Variants in HS6ST3 observed in about 807,000 individuals in gnomAD.
The protein encoded by HS6ST3 is heparan sulfate 6-O-sulfotransferase 3.
A neutral mutation model predicts 36.7 loss-of-function variants in HS6ST3; 12 were observed. That is an observed-to-expected ratio of 0.33 (90% confidence interval 0.21 to 0.53). HS6ST3 has a LOEUF of 0.53. Among genes scored for constraint, HS6ST3 ranks in the 20% least tolerant of loss-of-function variants. The probability of loss-of-function intolerance (pLI) is 0.95; values close to 1 mark genes in which losing one functional copy is unlikely to be tolerated. For missense variants in HS6ST3, 584 were observed against 640.9 expected (o/e 0.91, Z 0.96); for synonymous variants, 240 against 257.5 (o/e 0.93, Z 0.65).
chr13:96,263,073 G>A (rs1269017622), intron 1 of HS6ST3, among the ~76,000 whole-genome samples: 1 of 152,142 alleles, frequency 6.6e-6, no homozygotes, highest in African/African-American at 2.4e-5. Context: ...TTAGGTAGAT[G>A]TCTTAGGTAC....
intron 1 of HS6ST3, among the ~76,000 whole-genome samples, chr13:96,524,030 C>T (rs980362293): frequency 3.9e-5 from 6 of 152,148 alleles, no homozygotes; most frequent in South Asian, 2.1e-4. Context: ...TGGTGACCTA[C>T]GGATGGGGTT....
intron 1 of HS6ST3, among the ~76,000 whole-genome samples, chr13:96,690,540 C>T (rs1187606633): frequency 6.6e-6 from 1 of 152,028 alleles, no homozygotes; most frequent in African/African-American, 2.4e-5. Context: ...AAATCATCTC[C>T]CGGGCATGGA....
chr13:96,597,346 T>G (rs1209964501), intron 1 of HS6ST3, among the ~76,000 whole-genome samples: 1 of 148,506 alleles, frequency 6.7e-6, no homozygotes, highest in African/African-American at 2.5e-5. Flanking sequence ...AAATAAAAGT[T>G]AAAGAAAAAA....
intron 1 of HS6ST3, among the ~76,000 whole-genome samples, chr13:96,133,364 G>A (rs2053985517): frequency 6.6e-6 from 1 of 152,024 alleles, no homozygotes; most frequent in South Asian, 2.1e-4. Context: ...CTGACCTCGT[G>A]ATCCGCCCGC....
At chr13:96,122,197 C>T (rs1346866742) in intron 1 of HS6ST3, among the ~76,000 whole-genome samples, 1 of 150,136 alleles carries the variant, frequency 6.7e-6, no homozygotes, top group East Asian at 1.9e-4. Flanking sequence ...AGTAATTTGC[C>T]CAAAGTCACA....
chr13:96,528,192 G>C (rs892507173), intron 1 of HS6ST3, among the ~76,000 whole-genome samples: 1 of 152,174 alleles, frequency 6.6e-6, no homozygotes, highest in Admixed American at 6.5e-5. Flanking sequence ...AAAAGCACCA[G>C]GGTGATTGAA....
At chr13:96,183,825 AAG>A (rs1365771966) in intron 1 of HS6ST3, among the ~76,000 whole-genome samples, 1 of 152,160 alleles carries the variant, frequency 6.6e-6, no homozygotes, top group Non-Finnish European at 1.5e-5. Flanking sequence ...TTGCAAGATG[AAG>A]AGAGTTCTGG....
At position 96,828,868 on chromosome 13, in the gene HS6ST3, T is replaced by C. The variant is rs1410843101; in HGVS notation, c.708-3622T>C. ...CCCCAAGATCTTGAAAAAAGTATTT[T>C]TTTCTAAATGGTATAGGAAGTGATC... On this transcript the variant is annotated intron_variant, in intron 1 of 1. Coordinates refer to ENST00000376705, the MANE Select transcript of HS6ST3 (RefSeq NM_153456.4). 2.6e-5 allele frequency among the ~76,000 whole-genome samples: 4 copies of C among 152,324 alleles called. No homozygotes were observed. In the East Asian group the frequency reaches 7.7e-4, roughly 29 times the overall value.
At chr13:96,481,256 C>T (rs769580329) in intron 1 of HS6ST3, among the ~76,000 whole-genome samples, 7 of 152,050 alleles carry the variant, frequency 4.6e-5, no homozygotes, top group South Asian at 4.1e-4. Context: ...TTGAGAAAAA[C>T]GTGTGATAGA....
intron 1 of HS6ST3, among the ~76,000 whole-genome samples, chr13:96,277,330 A>G (rs1406950303): frequency 6.6e-6 from 1 of 152,062 alleles, no homozygotes; most frequent in Non-Finnish European, 1.5e-5. Flanking sequence ...TGTATTATAA[A>G]TTGGTTGCAA....
At chr13:96,115,064 C>A (rs929326335) in intron 1 of HS6ST3, among the ~76,000 whole-genome samples, 2 of 152,188 alleles carry the variant, frequency 1.3e-5, no homozygotes, top group Non-Finnish European at 2.9e-5. Flanking sequence ...ATGTTCCTGC[C>A]TCCATTTCTG....
chr13:96,117,902 C>G (rs905226952), intron 1 of HS6ST3, among the ~76,000 whole-genome samples: 1 of 151,804 alleles, frequency 6.6e-6, no homozygotes, highest in South Asian at 2.1e-4. Context: ...TGGAGTCTCC[C>G]TCTGTCACCC....
At chr13:96,118,684 A>T (rs1470873216) in intron 1 of HS6ST3, among the ~76,000 whole-genome samples, 47 of 22,294 alleles carry the variant, frequency 2.1e-3, no homozygotes, top group African/African-American at 8.6e-3. Context: ...ATATATATAT[A>T]TATATTTTTT....
chr13:96,457,061 A>G (rs1222384876), intron 1 of HS6ST3, among the ~76,000 whole-genome samples: 1 of 152,150 alleles, frequency 6.6e-6, no homozygotes, highest in African/African-American at 2.4e-5. Flanking sequence ...ATATTGATCT[A>G]TATGACTTCA....
Position 96,641,135 on chromosome 13 carries a change from G to T in HS6ST3, c.708-191355G>T, listed in dbSNP as rs527242693. 4.6e-5 allele frequency among the ~76,000 whole-genome samples: 7 copies of T among 151,930 alleles called. No homozygotes were observed. In the South Asian group the frequency reaches 6.2e-4, roughly 13 times the overall value. On this transcript the variant is annotated intron_variant, in intron 1 of 1. Transcript: ENST00000376705. ...TAAGATAGCATTGATTCTGTACACT[G>T]CTTTGGGCAGTATGACAAATGGATT... is the stretch of plus-strand genomic sequence containing the variant.
At chr13:96,739,177 G>A (rs950671186) in intron 1 of HS6ST3, among the ~76,000 whole-genome samples, 7 of 150,420 alleles carry the variant, frequency 4.7e-5, no homozygotes, top group African/African-American at 1.7e-4. Context: ...GAATCCCAGG[G>A]CTCCATTTTT....
At chr13:96,676,523 C>T (rs1022964849) in intron 1 of HS6ST3, among the ~76,000 whole-genome samples, 12 of 152,054 alleles carry the variant, frequency 7.9e-5, no homozygotes, top group South Asian at 2.1e-4. Context: ...TTGAATTATT[C>T]GAGATATGAG....
intron 1 of HS6ST3, among the ~76,000 whole-genome samples, chr13:96,224,344 T>A (rs929141912): frequency 1.3e-5 from 2 of 152,006 alleles, no homozygotes; most frequent in Non-Finnish European, 2.9e-5. Context: ...CTTTTTTTTT[T>A]AAGTGTCTCT....
At chr13:96,102,417 G>A (rs890745679) in intron 1 of HS6ST3, among the ~76,000 whole-genome samples, 2 of 152,110 alleles carry the variant, frequency 1.3e-5, no homozygotes, top group African/African-American at 4.8e-5. Flanking sequence ...AGGAGGGGGA[G>A]GTTGCAGTGA....
Sources: allele counts gnomAD v4.1 joint callset (sites outside exome capture counted in the v4.1 genomes callset), GRCh38; gene constraint gnomAD v4.1.1; transcripts MANE v1.5; gene names NCBI Gene and HGNC (gene_info 2026-07-23, HGNC 2026-07-21).